IL3RA: variants seen among roughly 807,000 people sequenced by gnomAD.
IL3RA encodes interleukin 3 receptor subunit alpha.
IL3RA carries 73 observed loss-of-function variants against 52.3 expected under a neutral mutation model. The ratio of observed to expected loss-of-function variants is 1.40; its 90% CI spans 1.16 to 1.70. IL3RA has a LOEUF of 1.70. Ranked by LOEUF, IL3RA falls within the 40% of genes most tolerant of loss-of-function variation. IL3RA has a pLI of 0.00. For missense variants in IL3RA, 664 were observed against 504.4 expected, an observed-to-expected ratio of 1.32 and a Z score of -3.03; for synonymous variants, 260 against 194.0, an observed-to-expected ratio of 1.34 and a Z score of -2.83.
intron 6 of IL3RA, 151 bp downstream of exon 6, chrX:1,352,657 C>A: frequency 1.3e-6 from 1 of 774,304 alleles, no homozygotes; most frequent in Non-Finnish European, 2.1e-6. Flanking sequence ...AGCGTGCTGG[C>A]TGGCTGGGCT....
chrX:1,366,047 CGGGTGCGCGGGGTGAGCG>C (rs1569526446), intron 9 of IL3RA, among the ~76,000 whole-genome samples: 15 of 5,116 alleles, frequency 2.9e-3, no homozygotes, highest in Admixed American at 9.3e-3. Flanking sequence ...CGGGGTGAGC[CGGGTGCGCGGGGTGAGCG>C]GGGTGCGCGG....
chrX:1,364,924 T>C (rs777704222), intron 8 of IL3RA, among the ~76,000 whole-genome samples: 65 of 152,208 alleles, frequency 4.3e-4, no homozygotes, highest in African/African-American at 1.5e-3. Context: ...TTCTCCTGCC[T>C]CAGCCTCCTG....
chrX:1,343,795 G>A (rs1468686621), intron 2 of IL3RA, among the ~76,000 whole-genome samples: 4 of 142,732 alleles, frequency 2.8e-5, no homozygotes, highest in South Asian at 2.2e-4. Context: ...TTTTTGAGAC[G>A]GAGTTTTTTT....
In IL3RA at chrX:1,352,421, TCA is replaced by T. The variant is rs773470410; in HGVS notation, c.532_533del (p.Gln178LysfsTer20). 42 of 1,613,728 alleles carry T rather than the reference TCA, an allele frequency of 2.6e-5. No individual in the cohort carries two copies. Among genetic ancestry groups the T allele is most frequent in the Non-Finnish European group, 3.6e-5 (42 of 1,179,860 alleles). On this transcript the variant is annotated frameshift_variant, in exon 6 of 12. Coordinates refer to ENST00000331035, the MANE Select transcript of IL3RA (RefSeq NM_002183.4). LOFTEE classifies it high-confidence loss of function. Reference protein sequence around the residue: ...DDISRLSSGSQSSHILVRGRS... With the variant: ...DDISRLSSGSXSSHILVRGRS... ...ACATCTCTCGACTCTCCAGCGGTTC[TCA>T]AAGTTCCCACATCCTGGTGCGGGGC...
In IL3RA at chrX:1,358,964, TA is replaced by T. The variant is rs1177624256; in HGVS notation, c.759+83del. 152 of 963,430 alleles carry T rather than the reference TA, an allele frequency of 1.6e-4. 1 individual carries two copies. Among genetic ancestry groups the T allele is most frequent in the Middle Eastern group, 1.5e-3 (5 of 3,260 alleles). 59.7% of individuals were successfully genotyped at this position (963,430 alleles called of 1,614,324 possible). A position where few individuals can be genotyped will look rare whatever the true frequency, so the allele number is the denominator to read the frequency against. ...TTTATTATTATTAAGAATAAAATGA[TA>T]AAAAATATTAATAATTCTTATTAAT... On this transcript the variant is annotated intron_variant, in intron 8 of 11. Coordinates refer to ENST00000331035, the MANE Select transcript of IL3RA (RefSeq NM_002183.4).
rs766071097 is a variant in IL3RA, at chrX:1,345,309, G to A, written c.65-7G>A. On this transcript the variant is annotated splice_region_variant and splice_polypyrimidine_tract_variant and intron_variant, in intron 2 of 11. Coordinates refer to ENST00000331035, the MANE Select transcript of IL3RA (RefSeq NM_002183.4). ...TCTCTTCGAACTCCAACCTGTCACC[G>A]TTTTAGATCCAAACCCACCAATCAC... The A allele has an allele frequency of 1.3e-4, 214 of 1,599,124 alleles. 1 individual carries two copies. The highest frequency in any genetic ancestry group is 2.6e-4 in the African/African-American group (19 of 73,764).
At chrX:1,379,996 G>A (rs1226403909) in intron 10 of IL3RA, among the ~76,000 whole-genome samples, 1 of 150,236 alleles carries the variant, frequency 6.7e-6, no homozygotes, top group Admixed American at 6.6e-5. Flanking sequence ...CTGACCTCAT[G>A]TGATCCACCC....
At chrX:1,380,600 GGA>G (rs1341181234) in intron 10 of IL3RA, among the ~76,000 whole-genome samples, 1 of 22,174 alleles carries the variant, frequency 4.5e-5, no homozygotes, top group Non-Finnish European at 7.7e-5. Context: ...AGGGGGAGGA[GGA>G]GAGGGGAGGA....
chrX:1,352,113 G>A lies in IL3RA; in HGVS notation c.312G>A (p.Trp104Ter), dbSNP rs759812302. The change falls in exon 5 of 12, where the codon TGG becomes TGA. Residue 104 changes from tryptophan (W) to a stop codon, truncating the protein, a stop_gained. Transcript: ENST00000331035. LOFTEE classifies it high-confidence loss of function. ...TTGTGAACCCAGGTGGGAAGCCTTG[G>A]GCAGGTGCGGAGAATCTGACCTGCT... Reference protein sequence around the residue: ...ILFPENSGKPWAGAENLTCWI... With the variant: ...ILFPENSGKP 1.9e-6 allele frequency: 3 copies of A among 1,613,764 alleles called. No individual in the cohort carries two copies. The Admixed American group carries it at 5.0e-5, about 27-fold the overall frequency.
intron 1 of IL3RA, 90 bp downstream of exon 1, chrX:1,337,016 ACACGG>A (rs1471539455): frequency 1.3e-5 from 2 of 152,234 alleles, no homozygotes; most frequent in Admixed American, 6.6e-5. Flanking sequence ...AAGCTGGCAG[ACACGG>A]GGCATTGGCA....
chrX:1,357,075 C>T (rs757119168), intron 7 of IL3RA, among the ~76,000 whole-genome samples: 1 of 151,962 alleles, frequency 6.6e-6, no homozygotes, highest in South Asian at 2.1e-4. Flanking sequence ...GCCTCAGCCT[C>T]CCGAGTAGCT....
At position 1,346,052 on chromosome X, in the gene IL3RA, C is replaced by T. The variant is rs1457762148; in HGVS notation, c.183+618C>T. Among the ~76,000 whole-genome samples the T allele has an allele frequency of 1.2e-4, 18 of 151,860 alleles. No homozygotes were observed. In the East Asian group the frequency reaches 1.4e-3, roughly 11 times the overall value. On this transcript the variant is annotated intron_variant, in intron 3 of 11. Transcript: ENST00000331035. ...ACCCCACGCTGGGCGTGGTGGCTCA[C>T]GTCTGTAATCCCAGCACTTTGGGAG...
At chrX:1,349,845 T>A (rs1294378795) in intron 4 of IL3RA, among the ~76,000 whole-genome samples, 2 of 150,952 alleles carry the variant, frequency 1.3e-5, no homozygotes, top group African/African-American at 4.9e-5. Context: ...GTATTTTAAG[T>A]AGAGACGGGG....
intron 9 of IL3RA, among the ~76,000 whole-genome samples, chrX:1,367,816 G>GC: frequency 6.8e-6 from 1 of 147,444 alleles, no homozygotes; most frequent in South Asian, 2.1e-4. Context: ...AGCGGGGTGC[G>GC]CGGGGTGAGC....
At chrX:1,347,772 C>T (rs17880396) in intron 3 of IL3RA, among the ~76,000 whole-genome samples, 1,785 of 152,068 alleles carry the variant, frequency 0.012, 29 homozygotes, top group Non-Finnish European at 0.016. Flanking sequence ...GGCGCGGTGG[C>T]TCACGCCTGT....
At position 1,376,617 on chromosome X, in the gene IL3RA, G is replaced by A. The variant is rs2088747150; in HGVS notation, c.875-2042G>A. Reference sequence around the variant, plus strand: ...GGAGATGAGGACACAGACACACACGGAGGAACAACCCTGTGAGGACACAGG... The same window carrying A: ...GGAGATGAGGACACAGACACACACGAAGGAACAACCCTGTGAGGACACAGG... On this transcript the variant is annotated intron_variant, in intron 9 of 11. Coordinates refer to ENST00000331035, the MANE Select transcript of IL3RA (RefSeq NM_002183.4). Among the ~76,000 whole-genome samples the A allele has an allele frequency of 4.0e-5, 6 of 148,246 alleles. No homozygotes were observed. The South Asian group carries it at 1.1e-3, about 26-fold the overall frequency.
At position 1,353,977 on chromosome X, in the gene IL3RA, C is replaced by CG. The variant is rs2086398079; in HGVS notation, c.616+1471_616+1472insG. 4.0e-5 allele frequency among the ~76,000 whole-genome samples: 3 copies of CG among 75,614 alleles called. No individual in the cohort carries two copies. In the South Asian group the frequency reaches 1.1e-3, roughly 27 times the overall value. 49.6% of individuals were successfully genotyped at this position (75,614 alleles called of 152,430 possible). On this transcript the variant is annotated intron_variant, in intron 6 of 11. Coordinates refer to ENST00000331035, the MANE Select transcript of IL3RA (RefSeq NM_002183.4). ...CCCATCATGGGTCGTGGGACCCCCA[C>CG]CCCCATCATGGGTCATGGGAGCCCC...
chrX:1,342,945 G>A (rs777999074), intron 2 of IL3RA, among the ~76,000 whole-genome samples: 1 of 151,652 alleles, frequency 6.6e-6, no homozygotes, highest in Non-Finnish European at 1.5e-5. Flanking sequence ...CGTGGTGGCG[G>A]GCGCCTGTAA....
intron 8 of IL3RA, among the ~76,000 whole-genome samples, chrX:1,361,451 C>T (rs2087351938): frequency 6.6e-6 from 1 of 152,028 alleles, no homozygotes; most frequent in Non-Finnish European, 1.5e-5. Flanking sequence ...TGTCAGCGGG[C>T]AAGACAGAAT....
Sources: gnomAD v4.1 joint callset for allele counts (sites outside exome capture counted in the v4.1 genomes callset) on GRCh38, gnomAD v4.1.1 for gene constraint, MANE v1.5 for transcripts, NCBI Gene and HGNC (gene_info 2026-07-23, HGNC 2026-07-21) for gene names.